BBS4: variants seen among roughly 807,000 people sequenced by gnomAD.
BBS4 encodes the protein BBSome complex member BBS4.
Under a neutral mutation model 71.4 loss-of-function variants are expected in BBS4, and 58 were observed. The ratio of observed to expected loss-of-function variants is 0.81; its 90% CI spans 0.66 to 1.01. The LOEUF (loss-of-function observed/expected upper bound fraction) is 1.01. Ranked by LOEUF, BBS4 falls within the 50% of genes least tolerant of loss-of-function variation. The pLI, the probability that BBS4 is intolerant of heterozygous loss-of-function variation, is 0.00. For missense variants in BBS4, 660 were observed against 607.9 expected (o/e 1.09, Z -0.90); for synonymous variants, 228 against 216.8 (o/e 1.05, Z -0.46).
rs942322418 is a variant in BBS4 at position 72,735,416 on chromosome 15, G to C, written c.1106+234G>C. The C allele has an allele frequency of 7.2e-6, 4 of 559,320 alleles. No homozygotes were observed. The South Asian group carries it at 7.7e-5, about 11-fold the overall frequency. The allele number at this position is 559,320 out of a possible 1,614,324, so 34.6% of individuals were successfully genotyped here. A position where few individuals can be genotyped will look rare whatever the true frequency, so the allele number is the denominator to read the frequency against. ...TAAACTGAGTAATCAGGAGGCTAGA[G>C]AATGTCAGAACTGGCAGTGGGCTTG... On this transcript the variant is annotated intron_variant, in intron 13 of 15. Transcript: ENST00000268057.
chr15:72,696,796 G>T (rs1228868854), intron 2 of BBS4, among the ~76,000 whole-genome samples: 1 of 152,044 alleles, frequency 6.6e-6, no homozygotes, highest in East Asian at 1.9e-4. Flanking sequence ...TGGCTCTGTT[G>T]CCCAGGCTGG....
intron 13 of BBS4, 36 bp from the exon 14 acceptor site, chr15:72,735,789 G>C: frequency 6.2e-7 from 1 of 1,613,784 alleles, no homozygotes; most frequent in Non-Finnish European, 8.5e-7. Context: ...ATTTGTTGCA[G>C]AGCCCCCAGC....
intron 13 of BBS4, chr15:72,735,563 A>G: frequency 1.8e-6 from 1 of 562,212 alleles, no homozygotes; most frequent in Non-Finnish European, 3.2e-6. Context: ...CAGGGTAGAG[A>G]TCCCTTTTTC....
chr15:72,709,126 G>A (rs954642414), intron 2 of BBS4, among the ~76,000 whole-genome samples: 2 of 152,160 alleles, frequency 1.3e-5, no homozygotes, highest in African/African-American at 4.8e-5. Context: ...CCTACTCACT[G>A]TTCTTAGGCC....
intron 2 of BBS4, among the ~76,000 whole-genome samples, chr15:72,700,402 A>G (rs1595911823): frequency 6.6e-6 from 1 of 152,144 alleles, no homozygotes; most frequent in African/African-American, 2.4e-5. Context: ...GTTTTACCCG[A>G]CCGCCAGCAA....
At chr15:72,693,497 C>T (rs1361498514) in intron 1 of BBS4, among the ~76,000 whole-genome samples, 1 of 152,012 alleles carries the variant, frequency 6.6e-6, no homozygotes, top group Non-Finnish European at 1.5e-5. Flanking sequence ...GCTTTGTGGG[C>T]CATAGAGTCT....
At chr15:72,725,940 C>T (rs1203429515) in intron 8 of BBS4, among the ~76,000 whole-genome samples, 2 of 51,736 alleles carry the variant, frequency 3.9e-5, no homozygotes, top group African/African-American at 7.8e-5. Flanking sequence ...TTCCCCTTCC[C>T]CCTTTCCCCT....
chr15:72,691,516 ATATCC>A (rs2064983324), intron 1 of BBS4, among the ~76,000 whole-genome samples: 1 of 152,106 alleles, frequency 6.6e-6, no homozygotes. Context: ...ATGTTTATAT[ATATCC>A]TTAATATATT....
intron 4 of BBS4, among the ~76,000 whole-genome samples, chr15:72,713,147 A>G (rs544615320): frequency 6.6e-6 from 1 of 151,758 alleles, no homozygotes; most frequent in Non-Finnish European, 1.5e-5. Context: ...GAGCTACGAC[A>G]CCTGGCCCTT....
At chr15:72,737,245 TTTAA>T (rs1284038733) in intron 15 of BBS4, among the ~76,000 whole-genome samples, 3 of 152,242 alleles carry the variant, frequency 2.0e-5, no homozygotes, top group African/African-American at 7.2e-5. Flanking sequence ...TTATGCAATG[TTTAA>T]TTTTTACTGC....
At position 72,737,671 on chromosome 15, in the gene BBS4, A is replaced by G. The variant is rs115053881; in HGVS notation, c.*84A>G. ...AAAGGTGACATGACACAGGCAGAGC[A>G]GAGTGGCACCCACCACAGAATACAG... On this transcript the variant is annotated 3_prime_UTR_variant, in exon 16 of 16. Coordinates refer to ENST00000268057, the MANE Select transcript of BBS4 (RefSeq NM_033028.5). 8.5e-4 allele frequency: 931 copies of G among 1,095,476 alleles called. 3 individuals carry two copies. The African/African-American group carries it at 0.013, about 16-fold the overall frequency. The allele number at this position is 1,095,476 out of a possible 1,614,324, so 67.9% of individuals were successfully genotyped here.
At chr15:72,720,090 G>A (rs2065541076) in intron 6 of BBS4, among the ~76,000 whole-genome samples, 1 of 150,628 alleles carries the variant, frequency 6.6e-6, no homozygotes, top group African/African-American at 2.4e-5. Context: ...TCCCCTTCAT[G>A]GCATTTTTAT....
rs146764279 is a variant in BBS4, at chr15:72,706,643, C to T, written c.77-3057C>T. Reference sequence around the variant, plus strand: ...TAGAAGAATTTCAGATCGGCCCCAACGACTAGAAGGGTGGTTCTACTAAGA... The same window carrying T: ...TAGAAGAATTTCAGATCGGCCCCAATGACTAGAAGGGTGGTTCTACTAAGA... On this transcript the variant is annotated intron_variant, in intron 2 of 15. Coordinates refer to ENST00000268057, the MANE Select transcript of BBS4 (RefSeq NM_033028.5). 8.3e-4 allele frequency among the ~76,000 whole-genome samples: 127 copies of T among 152,156 alleles called. 1 individual carries two copies. The highest frequency in any genetic ancestry group is 3.7e-3 in the South Asian group (18 of 4,808).
chr15:72,720,270 G>A (rs1025322427), intron 6 of BBS4, among the ~76,000 whole-genome samples: 2 of 151,728 alleles, frequency 1.3e-5, no homozygotes, highest in African/African-American at 2.4e-5. Flanking sequence ...AGGATCACTT[G>A]AGCCCAGGAG....
intron 1 of BBS4, 50 bp downstream of exon 1, chr15:72,686,301 T>A (rs1199967646): frequency 6.4e-7 from 1 of 1,552,528 alleles, no homozygotes; most frequent in Admixed American, 1.9e-5. Flanking sequence ...CAAGGCAAGC[T>A]GGCGGGTGGC....
chr15:72,731,471 C>T lies in BBS4; in HGVS notation c.864+14C>T. 1 of 1,614,164 alleles carries T rather than the reference C, an allele frequency of 6.2e-7. No individual in the cohort carries two copies. Among genetic ancestry groups the T allele is most frequent in the Non-Finnish European group, 8.5e-7 (1 of 1,180,044 alleles). On this transcript the variant is annotated intron_variant, in intron 11 of 15. Transcript: ENST00000268057. The stretch of plus-strand genomic sequence containing the variant: ...AAATATGTGGCGGTGAGTGTCCCCT[C>T]ATGTTCTTTGTTTGTATTTCTACAT...
chr15:72,686,586 G>T, intron 1 of BBS4: 1 of 1,396,310 alleles, frequency 7.2e-7, no homozygotes, highest in Non-Finnish European at 9.5e-7. Context: ...CACTTGTGTA[G>T]ACAGTTCCTG....
chr15:72,709,679 T>G, intron 2 of BBS4, 21 bp from the exon 3 acceptor site: 1 of 1,564,292 alleles, frequency 6.4e-7, no homozygotes, highest in Non-Finnish European at 8.8e-7. Context: ...GTTGTTTGTT[T>G]TGTCAAAATA....
In BBS4 at chr15:72,737,774, C is replaced by A; in HGVS notation, c.*187C>A. ...TGGTATTGGCATTTGAGGTCGGAAA[C>A]CCTCTACTGCCCCATAAGCCAGGAA... is the stretch of plus-strand genomic sequence containing the variant. On this transcript the variant is annotated 3_prime_UTR_variant, in exon 16 of 16. Coordinates refer to ENST00000268057, the MANE Select transcript of BBS4 (RefSeq NM_033028.5). 1.6e-6 allele frequency: 1 copy of A among 627,492 alleles called. No individual in the cohort carries two copies. Among genetic ancestry groups the A allele is most frequent in the Non-Finnish European group, 2.9e-6 (1 of 338,992 alleles). 38.9% of individuals were successfully genotyped at this position (627,492 alleles called of 1,614,324 possible).
Sources: allele counts gnomAD v4.1 joint callset (sites outside exome capture counted in the v4.1 genomes callset), GRCh38; gene constraint gnomAD v4.1.1; transcripts MANE v1.5; gene names NCBI Gene and HGNC (gene_info 2026-07-23, HGNC 2026-07-21).